The following SLC24A2 variants were observed in gnomAD, a reference collection of about 807,000 sequenced individuals.
The protein encoded by SLC24A2 is sodium/potassium/calcium exchanger 2.
SLC24A2 carries 36 observed loss-of-function variants against 62.0 expected under a neutral mutation model. The observed-to-expected ratio is 0.58, with a 90% CI of 0.44 to 0.77. The LOEUF (loss-of-function observed/expected upper bound fraction) is 0.77, where lower values mean the gene tolerates loss of function less well. SLC24A2 is among the 30% of genes least tolerant of loss of function. The probability of loss-of-function intolerance (pLI) is 0.00; values close to 1 mark genes in which losing one functional copy is unlikely to be tolerated. For synonymous variants in SLC24A2, 358 were observed against 294.0 expected (o/e 1.22, Z -2.23); for missense variants, 846 against 817.9 (o/e 1.03, Z -0.42).
At chr9:20,055,574 G>T in the SLC24A2 span, among the ~76,000 whole-genome samples, 1 of 152,048 alleles carries the variant, frequency 6.6e-6, no homozygotes, top group African/African-American at 2.4e-5. Flanking sequence ...ACTTTTAAGG[G>T]GTAGAATCAG....
the SLC24A2 span, among the ~76,000 whole-genome samples, chr9:19,818,429 G>T: frequency 6.6e-6 from 1 of 152,072 alleles, no homozygotes; most frequent in African/African-American, 2.4e-5. Context: ...GTTTGCTGAC[G>T]ATATGATCGT....
the SLC24A2 span, among the ~76,000 whole-genome samples, chr9:19,800,676 C>G: frequency 6.6e-6 from 1 of 151,776 alleles, no homozygotes; most frequent in Non-Finnish European, 1.5e-5. Flanking sequence ...TTTTCAAAAG[C>G]TGCCTAATAT....
chr9:19,524,879 G>A (rs1475927517), intron 9 of SLC24A2, among the ~76,000 whole-genome samples: 1 of 151,932 alleles, frequency 6.6e-6, no homozygotes, highest in Admixed American at 6.6e-5. Flanking sequence ...TTTATAAAAC[G>A]GCAAAAAAGA....
the SLC24A2 span, among the ~76,000 whole-genome samples, chr9:20,099,357 T>G: frequency 6.6e-6 from 1 of 152,234 alleles, no homozygotes; most frequent in South Asian, 2.1e-4. Context: ...CACTTACCTT[T>G]ATTTCCTTCT....
the SLC24A2 span, among the ~76,000 whole-genome samples, chr9:19,952,595 T>A: frequency 1.3e-5 from 2 of 152,098 alleles, no homozygotes; most frequent in South Asian, 4.1e-4. Context: ...TATTTTTGTT[T>A]CTTTCTTGTG....
At chr9:19,551,294 G>A (rs1027609280) in intron 7 of SLC24A2, among the ~76,000 whole-genome samples, 7 of 152,284 alleles carry the variant, frequency 4.6e-5, no homozygotes, top group Non-Finnish European at 1.0e-4. Flanking sequence ...ACGGGGTGTC[G>A]GAGCCAGGGA....
chr9:20,261,823 T>C, the SLC24A2 span, among the ~76,000 whole-genome samples: 1 of 133,740 alleles, frequency 7.5e-6, no homozygotes, highest in Non-Finnish European at 1.5e-5. Context: ...CACTGCAAGC[T>C]CTGCCTCCCA....
the SLC24A2 span, among the ~76,000 whole-genome samples, chr9:20,209,836 T>TA: frequency 3.9e-5 from 6 of 152,134 alleles, no homozygotes; most frequent in African/African-American, 9.7e-5. Flanking sequence ...TTGTGCTTGG[T>TA]AAAAAATAAG....
chr9:20,182,075 G>A, the SLC24A2 span, among the ~76,000 whole-genome samples: 10 of 152,270 alleles, frequency 6.6e-5, no homozygotes, highest in East Asian at 1.7e-3. Context: ...AAACCACAAT[G>A]AGATACTATC....
At chr9:20,112,468 C>G in the SLC24A2 span, among the ~76,000 whole-genome samples, 1 of 152,126 alleles carries the variant, frequency 6.6e-6, no homozygotes, top group Non-Finnish European at 1.5e-5. Flanking sequence ...TATTCATCCT[C>G]TTTACCATAA....
chr9:20,182,027 A>G, the SLC24A2 span, among the ~76,000 whole-genome samples: 2 of 152,246 alleles, frequency 1.3e-5, no homozygotes, highest in Non-Finnish European at 2.9e-5. Flanking sequence ...ATATGAAAAA[A>G]TGCTCATCAT....
the SLC24A2 span, among the ~76,000 whole-genome samples, chr9:19,849,584 T>G: frequency 6.6e-6 from 1 of 152,194 alleles, no homozygotes; most frequent in African/African-American, 2.4e-5. Context: ...ACATATCTAA[T>G]TTTAAAAATG....
intron 10 of SLC24A2, among the ~76,000 whole-genome samples, chr9:19,520,638 T>C (rs1237844273): frequency 2.0e-5 from 3 of 152,046 alleles, no homozygotes; most frequent in Admixed American, 6.6e-5. Flanking sequence ...AATTCTAAAG[T>C]ATTTCCTAAA....
At chr9:20,288,741 C>CAAAAAAAAA in the SLC24A2 span, among the ~76,000 whole-genome samples, 1 of 79,238 alleles carries the variant, frequency 1.3e-5, no homozygotes. Context: ...GACTCTGTCT[C>CAAAAAAAAA]AAAAAAAAAA....
At chr9:19,534,414 T>A (rs1167421276) in intron 8 of SLC24A2, among the ~76,000 whole-genome samples, 1 of 152,186 alleles carries the variant, frequency 6.6e-6, no homozygotes, top group Non-Finnish European at 1.5e-5. Flanking sequence ...ATGTGCAGCT[T>A]TGTTACTTAG....
At chr9:19,721,865 C>G (rs1029501134) in intron 2 of SLC24A2, among the ~76,000 whole-genome samples, 3 of 152,192 alleles carry the variant, frequency 2.0e-5, no homozygotes, top group Non-Finnish European at 4.4e-5. Context: ...TGTCATTATT[C>G]TTCACATAAC....
intron 2 of SLC24A2, among the ~76,000 whole-genome samples, chr9:19,709,873 A>G (rs1195703283): frequency 1.3e-5 from 2 of 152,108 alleles, no homozygotes; most frequent in Non-Finnish European, 2.9e-5. Flanking sequence ...CACATTGTGC[A>G]CATGTACCCT....
intron 2 of SLC24A2, among the ~76,000 whole-genome samples, chr9:19,651,416 T>A (rs566461827): frequency 3.8e-4 from 58 of 152,334 alleles, no homozygotes; most frequent in African/African-American, 1.3e-3. Flanking sequence ...GTGAATAGAA[T>A]GAGGATTGAG....
At chr9:20,190,595 A>T in the SLC24A2 span, among the ~76,000 whole-genome samples, 5 of 152,180 alleles carry the variant, frequency 3.3e-5, no homozygotes, top group Non-Finnish European at 5.9e-5. Flanking sequence ...TGAGGCTCAG[A>T]AAGGTTAAAT....
Sources: gnomAD v4.1 joint callset for allele counts (sites outside exome capture counted in the v4.1 genomes callset) on GRCh38, gnomAD v4.1.1 for gene constraint, MANE v1.5 for transcripts, NCBI Gene and HGNC (gene_info 2026-07-23, HGNC 2026-07-21) for gene names.